Variants in HEPHL1 observed in about 807,000 individuals in gnomAD.
HEPHL1 encodes the protein ferroxidase HEPHL1.
HEPHL1 carries 123 observed loss-of-function variants against 122.0 expected under a neutral mutation model. The ratio of observed to expected loss-of-function variants is 1.01; its 90% CI spans 0.87 to 1.17. The LOEUF (loss-of-function observed/expected upper bound fraction) is 1.17, where lower values mean the gene tolerates loss of function less well. HEPHL1 is among the 50% of genes most tolerant of loss of function. The pLI, the probability that HEPHL1 is intolerant of heterozygous loss-of-function variation, is 0.00. For synonymous variants in HEPHL1, 527 were observed against 508.9 expected, an observed-to-expected ratio of 1.04 and a Z score of -0.48; for missense variants, 1,452 against 1,430.5, an observed-to-expected ratio of 1.01 and a Z score of -0.24.
Position 94,073,142 on chromosome 11 carries a change from A to C in HEPHL1, c.1350A>C (p.Glu450Asp), listed in dbSNP as rs772754275. 7.4e-6 allele frequency: 12 copies of C among 1,613,126 alleles called. No individual in the cohort carries two copies. The highest frequency in any genetic ancestry group is 2.2e-5 in the East Asian group (1 of 44,876). ...CTAAAAGAAAGAGACTCTCTGCTGA[A>C]GAAGCCCATCTTGGAATTCTTGGTA... ...TFTKRKRLSA[E>D]EAHLGILGPV... The change falls in exon 7 of 20, where the codon GAA becomes GAC. Residue 450 changes from glutamate (E) to aspartate (D), a missense_variant. Transcript: ENST00000315765.
intron 2 of HEPHL1, among the ~76,000 whole-genome samples, chr11:94,063,031 C>T (rs1017371210): frequency 2.0e-5 from 3 of 152,160 alleles, no homozygotes; most frequent in African/African-American, 7.2e-5. Context: ...TATATGATCC[C>T]CAGAGGCAGG....
chr11:94,036,699 C>T (rs567879610), intron 1 of HEPHL1, among the ~76,000 whole-genome samples: 12 of 152,124 alleles, frequency 7.9e-5, no homozygotes, highest in East Asian at 7.7e-4. Context: ...ATTAGCCCGG[C>T]GTGGTGGCAG....
chr11:94,101,178 CTG>C lies in HEPHL1; in HGVS notation c.2435-13_2435-12del. 1 of 1,613,122 alleles carries C rather than the reference CTG, an allele frequency of 6.2e-7. No individual in the cohort carries two copies. Among genetic ancestry groups the C allele is most frequent in the South Asian group, 1.1e-5 (1 of 90,994 alleles). On this transcript the variant is annotated splice_polypyrimidine_tract_variant and intron_variant, in intron 13 of 19. Transcript: ENST00000315765. ...AAGAGCAATAATAATGCACACAGGC[CTG>C]TGTTTTGCCTTTAGGCCCAATGATT...
chr11:94,109,022 C>G (rs912456028), intron 17 of HEPHL1, among the ~76,000 whole-genome samples: 2 of 152,026 alleles, frequency 1.3e-5, no homozygotes, highest in East Asian at 3.9e-4. Flanking sequence ...TTTAGCTCTT[C>G]TTTGATTTCT....
At chr11:94,058,060 G>T in intron 2 of HEPHL1, among the ~76,000 whole-genome samples, 1 of 152,020 alleles carries the variant, frequency 6.6e-6, no homozygotes, top group Admixed American at 6.6e-5. Context: ...GCTTCTGAGA[G>T]GTCATTCCTA....
rs777484309 is a variant in HEPHL1 at position 94,073,412 on chromosome 11, G to C, written c.1477G>C (p.Ala493Pro). ...ILPHGVIYDK[A>P]SDAAPNLDGF... ...ACCCCATGGTGTGATCTATGACAAG[G>C]CATCTGATGCAGCCCCAAACCTAGA... The change falls in exon 8 of 20, where the codon GCA becomes CCA. Residue 493 changes from alanine to proline, a missense_variant. Coordinates refer to ENST00000315765, the MANE Select transcript of HEPHL1 (RefSeq NM_001098672.2). The C allele has an allele frequency of 4.5e-6, 7 of 1,556,628 alleles. No individual in the cohort carries two copies. Among genetic ancestry groups the C allele is most frequent in the Non-Finnish European group, 6.1e-6 (7 of 1,149,138 alleles).
chr11:94,093,582 T>C lies in HEPHL1; in HGVS notation c.2376T>C (p.Asp792=). ...AGGTGGTTTACAGGGAATATACGGA[T>C]GGAGAATTTGTGGAGATCAAAGCCC... is the stretch of plus-strand genomic sequence containing the variant. The part of the protein sequence containing the change: ...YKKVVYREYT[D]GEFVEIKARP... Residue 792 remains aspartate, a synonymous_variant, in exon 13 of 20, where the codon GAT becomes GAC. Coordinates refer to ENST00000315765, the MANE Select transcript of HEPHL1 (RefSeq NM_001098672.2). 1 of 1,613,662 alleles carries C rather than the reference T, an allele frequency of 6.2e-7. No homozygotes were observed. Among genetic ancestry groups the C allele is most frequent in the Non-Finnish European group, 8.5e-7 (1 of 1,179,810 alleles).
rs373207967 is a variant in HEPHL1 at position 94,050,429 on chromosome 11, A to AT, written c.415+4516dup. 3.0e-3 allele frequency among the ~76,000 whole-genome samples: 456 copies of AT among 152,230 alleles called. 4 individuals are homozygous for AT. The highest frequency in any genetic ancestry group is 0.01 in the African/African-American group (422 of 41,538). On this transcript the variant is annotated intron_variant, in intron 2 of 19. Transcript: ENST00000315765. ...TTTTTCCCAATCTTAGGAAGAAAGCATTTTGTCTTCCTCCGTTAGGCATGA... is the reference window on the plus strand; with the variant it reads ...TTTTTCCCAATCTTAGGAAGAAAGCATTTTTGTCTTCCTCCGTTAGGCATGA...
intron 14 of HEPHL1, 54 bp downstream of exon 14, chr11:94,101,389 C>G: frequency 2.6e-6 from 4 of 1,563,756 alleles, no homozygotes; most frequent in Non-Finnish European, 3.5e-6. Context: ...GGCGTCAACT[C>G]TTTTCTGGTC....
At chr11:94,110,169 TTTCA>T (rs1442274321) in intron 17 of HEPHL1, among the ~76,000 whole-genome samples, 1 of 152,184 alleles carries the variant, frequency 6.6e-6, no homozygotes, top group Non-Finnish European at 1.5e-5. Context: ...ATGTCCTCAC[TTTCA>T]TTCTCAGTAT....
At chr11:94,036,132 A>C (rs1312530852) in intron 1 of HEPHL1, among the ~76,000 whole-genome samples, 4 of 152,230 alleles carry the variant, frequency 2.6e-5, no homozygotes, top group African/African-American at 9.6e-5. Flanking sequence ...GGCGTATTTC[A>C]TTAGGGTGAC....
chr11:94,071,679 T>C (rs7949125), intron 6 of HEPHL1, among the ~76,000 whole-genome samples: 2,550 of 151,970 alleles, frequency 0.017, 73 homozygotes, highest in African/African-American at 0.059. Flanking sequence ...TTCACAAGAG[T>C]AGAGAAGTAA....
Position 94,070,560 on chromosome 11 carries a change from G to C in HEPHL1, c.1232+18G>C, listed in dbSNP as rs1168672673. 10 of 1,588,550 alleles carry C rather than the reference G, an allele frequency of 6.3e-6. No homozygotes were observed. The highest frequency in any genetic ancestry group is 1.7e-5 in the Admixed American group (1 of 57,906). Reference sequence around the variant, plus strand: ...TCTGGCAGGTAAGCACCCTTTGTTGGTGTTTCTAAGCCTCTCGTCAGAGAA... The same window carrying C: ...TCTGGCAGGTAAGCACCCTTTGTTGCTGTTTCTAAGCCTCTCGTCAGAGAA... On this transcript the variant is annotated intron_variant, in intron 6 of 19. Coordinates refer to ENST00000315765, the MANE Select transcript of HEPHL1 (RefSeq NM_001098672.2).
rs376733776 is a variant in HEPHL1 at position 94,070,549 on chromosome 11, A to T, written c.1232+7A>T. On this transcript the variant is annotated splice_region_variant and intron_variant, in intron 6 of 19. Coordinates refer to ENST00000315765, the MANE Select transcript of HEPHL1 (RefSeq NM_001098672.2). Reference sequence around the variant, plus strand: ...CTCTAAACGCCTCTGGCAGGTAAGCACCCTTTGTTGGTGTTTCTAAGCCTC... The same window carrying T: ...CTCTAAACGCCTCTGGCAGGTAAGCTCCCTTTGTTGGTGTTTCTAAGCCTC... The T allele has an allele frequency of 5.0e-6, 8 of 1,604,770 alleles. No homozygotes were observed. The African/African-American group carries it at 9.4e-5, about 19-fold the overall frequency.
chr11:94,063,169 T>A (rs550552682), intron 2 of HEPHL1, among the ~76,000 whole-genome samples: 1 of 152,296 alleles, frequency 6.6e-6, no homozygotes, highest in African/African-American at 2.4e-5. Flanking sequence ...TGAGTCGATG[T>A]CAACTGAGGG....
chr11:94,021,649 C>A, intron 1 of HEPHL1, 111 bp downstream of exon 1: 2 of 821,626 alleles, frequency 2.4e-6, no homozygotes, highest in Non-Finnish European at 3.9e-6. Flanking sequence ...TGATCTAGAC[C>A]AAGAGAAGGT....
chr11:94,092,429 G>C (rs900126615), intron 12 of HEPHL1, among the ~76,000 whole-genome samples: 1 of 152,122 alleles, frequency 6.6e-6, no homozygotes, highest in Admixed American at 6.5e-5. Flanking sequence ...AAAAATTTAC[G>C]TTGCTTGATG....
chr11:94,101,212 G>A lies in HEPHL1; in HGVS notation c.2452G>A (p.Glu818Lys). 6.2e-7 allele frequency: 1 copy of A among 1,613,964 alleles called. No homozygotes were observed. Among genetic ancestry groups the A allele is most frequent in the Non-Finnish European group, 8.5e-7 (1 of 1,179,870 alleles). Residue 818 changes from glutamate (E) to lysine (K), a missense_variant, in exon 14 of 20, where the codon GAG becomes AAG. By Grantham distance (56) the Glu-to-Lys change is moderately conservative. Transcript: ENST00000315765. ...GCCTTTAGGCCCAATGATTCATGCTGAGGTGGGCAACACCGTCCTGATCAT... is the reference window on the plus strand; with the variant it reads ...GCCTTTAGGCCCAATGATTCATGCTAAGGTGGGCAACACCGTCCTGATCAT... ...LELLGPMIHA[E>K]VGNTVLIIFK...
At chr11:94,089,702 C>T (rs1169516231) in intron 12 of HEPHL1, among the ~76,000 whole-genome samples, 2 of 152,020 alleles carry the variant, frequency 1.3e-5, no homozygotes, top group African/African-American at 2.4e-5. Context: ...GACCTCCTCC[C>T]CCAGGGCTAA....
Sources: allele counts gnomAD v4.1 joint callset (sites outside exome capture counted in the v4.1 genomes callset), GRCh38; gene constraint gnomAD v4.1.1; transcripts MANE v1.5; gene names NCBI Gene and HGNC (gene_info 2026-07-23, HGNC 2026-07-21).